Variants in NR2E1 observed in about 807,000 individuals in gnomAD.
NR2E1 encodes the protein nuclear receptor subfamily 2 group E member 1.
A neutral mutation model predicts 43.6 loss-of-function variants in NR2E1; 5 were observed. The ratio of observed to expected loss-of-function variants is 0.11; its 90% CI spans 0.06 to 0.24. NR2E1 has a LOEUF of 0.24. Ranked by LOEUF, NR2E1 falls within the 10% of genes least tolerant of loss-of-function variation. The pLI, the probability that NR2E1 is intolerant of heterozygous loss-of-function variation, is 1.00. For synonymous variants in NR2E1, 191 were observed against 195.5 expected (o/e 0.98, Z 0.19); for missense variants, 287 against 496.7 (o/e 0.58, Z 4.01).
At position 108,166,806 on chromosome 6, in the gene NR2E1, G is replaced by T. The variant is rs758265067; in HGVS notation, c.25+16G>T. ...GGATCAACAAGTGGGTACCTCTCGG[G>T]CCGCCGTGGGGCCTAGGCGCGCAGC... On this transcript the variant is annotated intron_variant, in intron 1 of 8. Coordinates refer to ENST00000368986, the MANE Select transcript of NR2E1 (RefSeq NM_003269.5). The surrounding 1 kb of genome is among the most constrained non-coding windows in gnomAD (Gnocchi z 7.2). The T allele has an allele frequency of 2.5e-6, 4 of 1,589,872 alleles. No homozygotes were observed. The highest frequency in any genetic ancestry group is 2.6e-6 in the Non-Finnish European group (3 of 1,171,784).
Position 108,166,817 on chromosome 6 carries a change from G to A in NR2E1, c.25+27G>A. 3.2e-6 allele frequency: 5 copies of A among 1,585,994 alleles called. No homozygotes were observed. Among genetic ancestry groups the A allele is most frequent in the Non-Finnish European group, 4.3e-6 (5 of 1,169,808 alleles). ...TGGGTACCTCTCGGGCCGCCGTGGGGCCTAGGCGCGCAGCCTGGGGCGAGC... is the reference window on the plus strand; with the variant it reads ...TGGGTACCTCTCGGGCCGCCGTGGGACCTAGGCGCGCAGCCTGGGGCGAGC... On this transcript the variant is annotated intron_variant, in intron 1 of 8. Coordinates refer to ENST00000368986, the MANE Select transcript of NR2E1 (RefSeq NM_003269.5). This position sits in a 1 kb window ranked among gnomAD's most constrained non-coding sequence, Gnocchi z 7.2.
intron 2 of NR2E1, among the ~76,000 whole-genome samples, chr6:108,172,494 C>A (rs1281596283): frequency 2.6e-5 from 4 of 152,146 alleles, no homozygotes; most frequent in African/African-American, 4.8e-5. Flanking sequence ...CAATAATAGG[C>A]TGATTTTAAC....
chr6:108,171,002 C>T (rs1455686477), intron 1 of NR2E1, among the ~76,000 whole-genome samples: 1 of 152,204 alleles, frequency 6.6e-6, no homozygotes. Context: ...CAGCTGCCAT[C>T]CCTGGTTCCA....
chr6:108,174,770 G>A (rs1773869156), intron 2 of NR2E1, 66 bp from the exon 3 acceptor site: 3 of 1,403,932 alleles, frequency 2.1e-6, no homozygotes, highest in Non-Finnish European at 3.0e-6. Context: ...TCCCCGCCCG[G>A]GTGCCGGCTC....
intron 4 of NR2E1, 66 bp from the exon 5 acceptor site, chr6:108,178,028 AG>A: frequency 6.5e-7 from 1 of 1,547,280 alleles, no homozygotes; most frequent in East Asian, 2.2e-5. Context: ...AGAAATTAAA[AG>A]TTTGGTTCTT....
rs867166272 is a variant in NR2E1, at chr6:108,166,742, C to A, written c.-24C>A. ...CCGGGACTCGGGCAGCGCCCACCAA[C>A]CGCTCCGCCCCGGGACAGCCAGCAT... On this transcript the variant is annotated 5_prime_UTR_variant, in exon 1 of 9. Transcript: ENST00000368986. This position sits in a 1 kb window ranked among gnomAD's most constrained non-coding sequence, Gnocchi z 7.2. 5.1e-6 allele frequency: 8 copies of A among 1,555,340 alleles called. No individual in the cohort carries two copies. In the Middle Eastern group the frequency reaches 1.8e-3, roughly 353 times the overall value.
intron 2 of NR2E1, among the ~76,000 whole-genome samples, chr6:108,174,600 C>T (rs1349323287): frequency 6.6e-6 from 1 of 152,094 alleles, no homozygotes; most frequent in Non-Finnish European, 1.5e-5. Context: ...CCCCCTTGTC[C>T]GCTTTCTTGG....
intron 8 of NR2E1, among the ~76,000 whole-genome samples, chr6:108,186,982 T>G (rs1003860409): frequency 7.9e-5 from 12 of 152,242 alleles, no homozygotes; most frequent in African/African-American, 2.6e-4. Context: ...AATGGAAACC[T>G]TAAATTTATT....
intron 2 of NR2E1, among the ~76,000 whole-genome samples, chr6:108,173,360 C>G (rs1397213566): frequency 6.6e-6 from 1 of 152,174 alleles, no homozygotes; most frequent in Non-Finnish European, 1.5e-5. Flanking sequence ...TTACAATGAA[C>G]TATTACATTG....
intron 2 of NR2E1, among the ~76,000 whole-genome samples, chr6:108,174,023 C>A (rs1363107472): frequency 6.6e-6 from 1 of 152,210 alleles, no homozygotes; most frequent in Non-Finnish European, 1.5e-5. Context: ...TTTAGTCTGA[C>A]AGTCCATCAC....
At chr6:108,178,277 T>C (rs752183108) in intron 5 of NR2E1, 36 bp downstream of exon 5, 2 of 1,613,020 alleles carry the variant, frequency 1.2e-6, no homozygotes, top group East Asian at 4.5e-5. Context: ...GAAAGAGAGC[T>C]GGGAAAGAAG....
At chr6:108,170,564 G>A (rs1773794583) in intron 1 of NR2E1, among the ~76,000 whole-genome samples, 2 of 151,322 alleles carry the variant, frequency 1.3e-5, no homozygotes, top group African/African-American at 4.9e-5. Context: ...CATGGGGGGT[G>A]GGGGGATACA....
intron 3 of NR2E1, 118 bp from the exon 4 acceptor site, chr6:108,176,385 T>A (rs540289394): frequency 3.6e-5 from 32 of 901,000 alleles, no homozygotes; most frequent in Middle Eastern, 5.5e-4. Context: ...TCTTTTCACC[T>A]CTTGGGCGAT....
chr6:108,171,694 G>C (rs1256992491), intron 2 of NR2E1, 91 bp downstream of exon 2: 3 of 1,532,542 alleles, frequency 2.0e-6, no homozygotes, highest in Admixed American at 3.3e-5. Context: ...TTTCCACGCA[G>C]TTGAGGAGAG....
At chr6:108,175,708 G>A (rs560922354) in intron 3 of NR2E1, among the ~76,000 whole-genome samples, 7 of 152,344 alleles carry the variant, frequency 4.6e-5, no homozygotes, top group African/African-American at 1.4e-4. Context: ...CCTGGGAACA[G>A]GGTGCGAGTG....
intron 4 of NR2E1, among the ~76,000 whole-genome samples, chr6:108,177,863 G>T (rs767653995): frequency 3.3e-5 from 5 of 152,216 alleles, no homozygotes; most frequent in Non-Finnish European, 7.3e-5. Flanking sequence ...TTCTGGAAGG[G>T]AGAGGCTCCC....
chr6:108,179,492 CTGTGTGTGTGTGTGTG>C (rs34907033), intron 5 of NR2E1, among the ~76,000 whole-genome samples: 4 of 131,348 alleles, frequency 3.0e-5, no homozygotes, highest in African/African-American at 5.8e-5. Context: ...TAACCACTTC[CTGTGTGTGTGTGTGTG>C]TGTGTGTGTG....
chr6:108,181,865 T>C (rs1773995973), intron 8 of NR2E1, among the ~76,000 whole-genome samples: 1 of 152,166 alleles, frequency 6.6e-6, no homozygotes, highest in African/African-American at 2.4e-5. Flanking sequence ...GCCAGACATA[T>C]TACAGTTGTC....
chr6:108,167,337 T>C (rs1773725857), intron 1 of NR2E1, among the ~76,000 whole-genome samples: 1 of 152,206 alleles, frequency 6.6e-6, no homozygotes, highest in Non-Finnish European at 1.5e-5. Context: ...ATTTAAAGTA[T>C]GGCGAACCAC....
Sources: gnomAD v4.1 joint callset for allele counts (sites outside exome capture counted in the v4.1 genomes callset) on GRCh38, gnomAD v4.1.1 for gene constraint, Gnocchi (gnomAD v3.1) non-coding constraint, MANE v1.5 for transcripts, NCBI Gene and HGNC (gene_info 2026-07-23, HGNC 2026-07-21) for gene names.